Variants in SLC6A19 observed in about 807,000 individuals in gnomAD.
SLC6A19 encodes the protein solute carrier family 6 member 19.
SLC6A19 carries 67 observed loss-of-function variants against 68.3 expected under a neutral mutation model. The observed-to-expected ratio is 0.98, with a 90% CI of 0.81 to 1.20. SLC6A19 has a LOEUF of 1.20. Ranked by LOEUF, SLC6A19 falls within the 50% of genes most tolerant of loss-of-function variation. The pLI is 0.00. For synonymous variants in SLC6A19, 392 were observed against 374.9 expected (o/e 1.05, Z -0.53); for missense variants, 813 against 851.6 (o/e 0.95, Z 0.56).
rs368752405 is a variant in SLC6A19 at position 1,221,116 on chromosome 5, G to A, written c.1539-35G>A. ...AGCTTAGCGAGTTGAAGCCCAGCTGGTAGCAGCAGTGACAGCTGTCTCTGG... is the reference window on the plus strand; with the variant it reads ...AGCTTAGCGAGTTGAAGCCCAGCTGATAGCAGCAGTGACAGCTGTCTCTGG... On this transcript the variant is annotated intron_variant, in intron 10 of 11. Transcript: ENST00000304460. 2.2e-4 allele frequency: 356 copies of A among 1,608,408 alleles called. 1 individual carries two copies. The highest frequency in any genetic ancestry group is 1.8e-3 in the Middle Eastern group (11 of 6,054).
rs148924868 is a variant in SLC6A19, at chr5:1,217,928, G to A, written c.1174-975G>A. Among the ~76,000 whole-genome samples, 7 of 152,194 alleles carry A rather than the reference G, an allele frequency of 4.6e-5. No homozygotes were observed. In the East Asian group the frequency reaches 5.8e-4, roughly 13 times the overall value. On this transcript the variant is annotated intron_variant, in intron 8 of 11. Coordinates refer to ENST00000304460, the MANE Select transcript of SLC6A19 (RefSeq NM_001003841.3). Reference sequence around the variant, plus strand: ...AGAAACGCCACAGAAAGAAACCCCCGTGGTGTGCAATCTCATGGCAGGGCT... The same window carrying A: ...AGAAACGCCACAGAAAGAAACCCCCATGGTGTGCAATCTCATGGCAGGGCT...
At chr5:1,211,986 CCGTGCATGTG>C (rs1185001423) in intron 3 of SLC6A19, among the ~76,000 whole-genome samples, 3 of 121,914 alleles carry the variant, frequency 2.5e-5, no homozygotes, top group East Asian at 2.5e-4. Flanking sequence ...TGTTGTGTGT[CCGTGCATGTG>C]CGTGCATGTG....
rs13167124 is a variant in SLC6A19 at position 1,223,825 on chromosome 5, A to G, written c.*1921A>G. ...TGTGCCAGTATGATGTTCCACCCACAGAAACCTGGTCACAATCGTCCCTTC... is the reference window on the plus strand; with the variant it reads ...TGTGCCAGTATGATGTTCCACCCACGGAAACCTGGTCACAATCGTCCCTTC... On this transcript the variant is annotated 3_prime_UTR_variant, in exon 12 of 12. Transcript: ENST00000304460. 0.47 allele frequency: 71,198 copies of G among 152,090 alleles called. 17,371 individuals carry two copies. The highest frequency in any genetic ancestry group is 0.61 in the African/African-American group (25,159 of 41,442). 9.4% of individuals were successfully genotyped at this position (152,090 alleles called of 1,614,324 possible).
In SLC6A19 at chr5:1,201,631, G is replaced by A. The variant is rs373725254; in HGVS notation, c.-20G>A. The stretch of plus-strand genomic sequence containing the variant: ...AGCTTCTGCCCTGCCTGCTGTGTGC[G>A]GAGCCGTCCAGCGACCACCATGGTG... On this transcript the variant is annotated 5_prime_UTR_variant, in exon 1 of 12. Coordinates refer to ENST00000304460, the MANE Select transcript of SLC6A19 (RefSeq NM_001003841.3). 2.0e-4 allele frequency: 317 copies of A among 1,598,686 alleles called. No homozygotes were observed. Among genetic ancestry groups the A allele is most frequent in the East Asian group, 6.0e-4 (27 of 44,664 alleles).
At chr5:1,218,221 G>T (rs555553529) in intron 8 of SLC6A19, among the ~76,000 whole-genome samples, 1 of 152,230 alleles carries the variant, frequency 6.6e-6, no homozygotes, top group African/African-American at 2.4e-5. Context: ...TTAAGCGGCC[G>T]TGGAGGACCC....
In SLC6A19 at chr5:1,213,717, G is replaced by A. The variant is rs1746120358; in HGVS notation, c.774+144G>A. On this transcript the variant is annotated intron_variant, in intron 5 of 11. Coordinates refer to ENST00000304460, the MANE Select transcript of SLC6A19 (RefSeq NM_001003841.3). ...TCCCAGGCCTGAGGAGGTCCACGGG[G>A]CCAGCGAGGGCAAGGCCTGTCCCTG... The A allele has an allele frequency of 8.5e-6, 9 of 1,054,170 alleles. 1 individual carries two copies. In the South Asian group the frequency reaches 1.1e-4, roughly 13 times the overall value. 65.3% of individuals were successfully genotyped at this position (1,054,170 alleles called of 1,614,324 possible).
chr5:1,216,859 A>C lies in SLC6A19; in HGVS notation c.1087A>C (p.Met363Leu). 1 of 1,613,800 alleles carries C rather than the reference A, an allele frequency of 6.2e-7. No individual in the cohort carries two copies. The highest frequency in any genetic ancestry group is 8.5e-7 in the Non-Finnish European group (1 of 1,180,046). Residue 363 changes from methionine (M) to leucine (L), a missense_variant, in exon 8 of 12, where the codon ATG becomes CTG. Met to Leu is a conservative substitution (Grantham distance 15). Transcript: ENST00000304460. ...GNVTQENFVD[M>L]QQRCNASDPA... ...CGTGACCCAGGAGAACTTTGTGGAC[A>C]TGCAGCAGCGGTGCAACGCCTCCGA... is the stretch of plus-strand genomic sequence containing the variant.
intron 1 of SLC6A19, among the ~76,000 whole-genome samples, chr5:1,203,023 C>T (rs1745758418): frequency 6.6e-6 from 1 of 152,124 alleles, no homozygotes; most frequent in South Asian, 2.1e-4. Flanking sequence ...ACTTCCTGGC[C>T]ACTGTCCTCG....
chr5:1,207,935 G>A (rs1448885138), intron 1 of SLC6A19, among the ~76,000 whole-genome samples: 1 of 152,240 alleles, frequency 6.6e-6, no homozygotes, highest in Non-Finnish European at 1.5e-5. Flanking sequence ...AGAGCAAAGA[G>A]GTAGCAGTGC....
At chr5:1,208,974 G>T in intron 2 of SLC6A19, 88 bp downstream of exon 2, 5 of 1,488,550 alleles carry the variant, frequency 3.4e-6, no homozygotes, top group Non-Finnish European at 4.5e-6. Flanking sequence ...CGCCTTGCCG[G>T]CCTCGGTGCC....
Position 1,212,560 on chromosome 5 carries a change from C to T in SLC6A19, c.663+76C>T. The T allele has an allele frequency of 6.4e-7, 1 of 1,572,750 alleles. No individual in the cohort carries two copies. Among genetic ancestry groups the T allele is most frequent in the South Asian group, 1.1e-5 (1 of 90,086 alleles). ...GCAGCCCTGCCTCCGGCCGGCTGCA[C>T]TCTAAAACCCAGGTCTGGGGGTCCC... On this transcript the variant is annotated intron_variant, in intron 4 of 11. Coordinates refer to ENST00000304460, the MANE Select transcript of SLC6A19 (RefSeq NM_001003841.3). This position sits in a 1 kb window ranked among gnomAD's most constrained non-coding sequence, Gnocchi z 5.1.
At chr5:1,213,417 T>C in intron 4 of SLC6A19, 46 bp from the exon 5 acceptor site, 1 of 600,220 alleles carries the variant, frequency 1.7e-6, no homozygotes, top group Non-Finnish European at 2.4e-6. Flanking sequence ...ACCGCATGCC[T>C]GGCCCCCCAA....
chr5:1,221,961 GA>G lies in SLC6A19; in HGVS notation c.*58del, dbSNP rs1475323982. 6.3e-7 allele frequency: 1 copy of G among 1,590,178 alleles called. No homozygotes were observed. Among genetic ancestry groups the G allele is most frequent in the African/African-American group, 1.3e-5 (1 of 74,354 alleles). Reference sequence around the variant, plus strand: ...GTGTCAGGGAAGGAGGAACCAGCAAGACCTGTGGGGTGGGGGCCGGGCTGCA... The same window carrying G: ...GTGTCAGGGAAGGAGGAACCAGCAAGCCTGTGGGGTGGGGGCCGGGCTGCA... On this transcript the variant is annotated 3_prime_UTR_variant, in exon 12 of 12. Coordinates refer to ENST00000304460, the MANE Select transcript of SLC6A19 (RefSeq NM_001003841.3).
At chr5:1,219,156 G>C in intron 9 of SLC6A19, 49 bp downstream of exon 9, 1 of 1,549,414 alleles carries the variant, frequency 6.5e-7, no homozygotes, top group Non-Finnish European at 8.8e-7. Flanking sequence ...GCCACCTGTG[G>C]GATGGCAGCC....
Position 1,219,028 on chromosome 5 carries a change from T to A in SLC6A19, c.1299T>A (p.Phe433Leu). 1.9e-6 allele frequency: 3 copies of A among 1,614,040 alleles called. No individual in the cohort carries two copies. Among genetic ancestry groups the A allele is most frequent in the Non-Finnish European group, 2.5e-6 (3 of 1,180,006 alleles). The change falls in exon 9 of 12, where the codon TTT becomes TTA. Residue 433 changes from phenylalanine (F) to leucine (L), a missense_variant. By Grantham distance (22) the Phe-to-Leu change is conservative. Coordinates refer to ENST00000304460, the MANE Select transcript of SLC6A19 (RefSeq NM_001003841.3). ...MLFCLGLSSM[F>L]GNMEGVVVPL... ...TCTGCCTGGGGCTGTCATCTATGTT[T>A]GGGAACATGGAGGGCGTCGTTGTGC...
At position 1,201,679 on chromosome 5, in the gene SLC6A19, G is replaced by T. The variant is rs142954960; in HGVS notation, c.29G>T (p.Gly10Val). Residue 10 changes from glycine to valine, a missense_variant, in exon 1 of 12, where the codon GGC becomes GTC. By Grantham distance (109) the Gly-to-Val change is moderately radical. Coordinates refer to ENST00000304460, the MANE Select transcript of SLC6A19 (RefSeq NM_001003841.3). ...GTGAGGCTCGTGCTGCCCAACCCCG[G>T]CCTAGACGCCCGGATCCCGTCCCTG... is the stretch of plus-strand genomic sequence containing the variant. MVRLVLPNPGLDARIPSLAE... is the reference protein window; with the variant it reads MVRLVLPNPVLDARIPSLAE... 6.2e-7 allele frequency: 1 copy of T among 1,609,418 alleles called. No homozygotes were observed. Among genetic ancestry groups the T allele is most frequent in the South Asian group, 1.1e-5 (1 of 90,966 alleles).
chr5:1,215,996 T>C lies in SLC6A19; in HGVS notation c.888-562T>C, dbSNP rs1363950931. Reference sequence around the variant, plus strand: ...TGAGGCTAACAGATTCAGCTTTTGATGGAAGCATCTGGAAGGATGGTGTCA... The same window carrying C: ...TGAGGCTAACAGATTCAGCTTTTGACGGAAGCATCTGGAAGGATGGTGTCA... On this transcript the variant is annotated intron_variant, in intron 6 of 11. Transcript: ENST00000304460. The surrounding 1 kb of genome is among the most constrained non-coding windows in gnomAD (Gnocchi z 5.1). 6.6e-6 allele frequency among the ~76,000 whole-genome samples: 1 copy of C among 152,184 alleles called. No homozygotes were observed.
chr5:1,208,915 G>A (rs760376373), intron 2 of SLC6A19, 29 bp downstream of exon 2: 5 of 1,596,096 alleles, frequency 3.1e-6, no homozygotes, highest in African/African-American at 1.3e-5. Context: ...TTCCACCCGG[G>A]CCCAGGGGTC....
chr5:1,210,300 G>A, intron 2 of SLC6A19, 144 bp from the exon 3 acceptor site: 1 of 1,173,336 alleles, frequency 8.5e-7, no homozygotes, highest in African/African-American at 1.5e-5. Flanking sequence ...ATCCCGGCCT[G>A]CACTGGGTCG....
Sources: gnomAD v4.1 joint callset for allele counts (sites outside exome capture counted in the v4.1 genomes callset) on GRCh38, gnomAD v4.1.1 for gene constraint, Gnocchi (gnomAD v3.1) non-coding constraint, MANE v1.5 for transcripts, NCBI Gene and HGNC (gene_info 2026-07-23, HGNC 2026-07-21) for gene names.